The following PPP2R5C variants were observed in gnomAD, a reference collection of about 807,000 sequenced individuals.
The protein encoded by PPP2R5C is serine/threonine-protein phosphatase 2A 56 kDa regulatory subunit gamma isoform.
A neutral mutation model predicts 68.9 loss-of-function variants in PPP2R5C; 7 were observed. That is an observed-to-expected ratio of 0.10 (90% CI 0.06 to 0.19). The LOEUF (loss-of-function observed/expected upper bound fraction) is 0.19, where lower values mean the gene tolerates loss of function less well. PPP2R5C is among the 10% of genes least tolerant of loss of function. PPP2R5C has a pLI of 1.00. For synonymous variants in PPP2R5C, 210 were observed against 222.2 expected (o/e 0.95, Z 0.49); for missense variants, 348 against 641.3 (o/e 0.54, Z 4.94).
upstream of PPP2R5C, among the ~76,000 whole-genome samples, chr14:101,806,962 C>CA (rs567285656): frequency 2.0e-5 from 3 of 151,868 alleles, no homozygotes; most frequent in East Asian, 3.9e-4. Flanking sequence ...ACCCTGCCTC[C>CA]AAAAAAACAA....
upstream of PPP2R5C, among the ~76,000 whole-genome samples, chr14:101,808,722 T>C (rs565061160): frequency 1.3e-5 from 2 of 152,302 alleles, no homozygotes; most frequent in East Asian, 3.9e-4. Context: ...GCAGGGGAAT[T>C]GTGTGAGAAA....
intron 8 of PPP2R5C, among the ~76,000 whole-genome samples, chr14:101,898,252 G>T (rs2045477260): frequency 6.6e-6 from 1 of 152,080 alleles, no homozygotes; most frequent in South Asian, 2.1e-4. Flanking sequence ...AATTTTCTTT[G>T]TGCGTATTTC....
chr14:101,778,361 T>G (rs1250659925), intron 2 of PPP2R5C, among the ~76,000 whole-genome samples: 1 of 152,216 alleles, frequency 6.6e-6, no homozygotes, highest in Non-Finnish European at 1.5e-5. Flanking sequence ...TCTGTGGGTT[T>G]TTTCACTTTC....
chr14:101,817,139 A>G (rs970507353), intron 1 of PPP2R5C, among the ~76,000 whole-genome samples: 2 of 151,316 alleles, frequency 1.3e-5, no homozygotes, highest in African/African-American at 4.9e-5. Context: ...TTGTATTTTA[A>G]TAGAGATAGG....
At chr14:101,777,665 A>G (rs1177116809) in intron 2 of PPP2R5C, among the ~76,000 whole-genome samples, 2 of 152,092 alleles carry the variant, frequency 1.3e-5, no homozygotes, top group Non-Finnish European at 2.9e-5. Context: ...TGGTAATTTT[A>G]TGTTTAACTT....
intron 9 of PPP2R5C, among the ~76,000 whole-genome samples, chr14:101,902,522 C>T (rs769413311): frequency 2.0e-5 from 3 of 152,156 alleles, no homozygotes; most frequent in Non-Finnish European, 2.9e-5. Flanking sequence ...CATCATTGAG[C>T]GGATTTTATT....
At chr14:101,852,881 G>A (rs553652483) in intron 1 of PPP2R5C, among the ~76,000 whole-genome samples, 2 of 152,100 alleles carry the variant, frequency 1.3e-5, no homozygotes, top group East Asian at 1.9e-4. Context: ...ATATTGCTCC[G>A]GGGTATGATT....
intron 5 of PPP2R5C, 31 bp from the exon 8 acceptor site, chr14:101,890,206 C>A: frequency 6.3e-7 from 1 of 1,585,380 alleles, no homozygotes; most frequent in South Asian, 1.1e-5. Context: ...AGTTCAGTGT[C>A]TAATTCTAAT....
chr14:101,897,453 AT>A (rs937549411), intron 8 of PPP2R5C, among the ~76,000 whole-genome samples: 2 of 151,534 alleles, frequency 1.3e-5, no homozygotes, highest in African/African-American at 2.4e-5. Context: ...AGGTCCCACA[AT>A]AGCCCGTCTG....
rs544229508 is a variant in PPP2R5C at position 101,902,087 on chromosome 14, C to T, written c.1023+198C>T. 5.3e-5 allele frequency among the ~76,000 whole-genome samples: 8 copies of T among 152,244 alleles called. No individual in the cohort carries two copies. The South Asian group carries it at 1.2e-3, about 24-fold the overall frequency. On this transcript the variant is annotated intron_variant, in intron 9 of 13. Transcript: ENST00000334743. ...CCCTTGAGCATCTTGTCCCTTCTGC[C>T]GCGATACTTTTTCTCACTAAGAGCA...
chr14:101,884,540 T>G (rs192212502), intron 5 of PPP2R5C, among the ~76,000 whole-genome samples: 1 of 152,230 alleles, frequency 6.6e-6, no homozygotes, highest in East Asian at 1.9e-4. Context: ...TGCACCTCGG[T>G]TAAAGGTTTG....
At chr14:101,828,892 T>G (rs1188677517) in intron 1 of PPP2R5C, among the ~76,000 whole-genome samples, 1 of 152,196 alleles carries the variant, frequency 6.6e-6, no homozygotes, top group African/African-American at 2.4e-5. Context: ...CTGGCCAGGC[T>G]GTTCTCAAAT....
intron 1 of PPP2R5C, chr14:101,820,638 C>T (rs1210722546): frequency 6.6e-6 from 1 of 152,232 alleles, no homozygotes; most frequent in Non-Finnish European, 1.5e-5. Flanking sequence ...ACGTGTCTGT[C>T]TGAGCCTGGG....
chr14:101,876,940 CTTTTTTTTTT>C (rs11318528), intron 2 of PPP2R5C, among the ~76,000 whole-genome samples: 1 of 90,892 alleles, frequency 1.1e-5, no homozygotes, highest in South Asian at 3.4e-4. Flanking sequence ...AGGATTTACG[CTTTTTTTTTT>C]TTTTTTTTTT....
chr14:101,868,053 C>G (rs1024306478), intron 2 of PPP2R5C, among the ~76,000 whole-genome samples: 1 of 152,110 alleles, frequency 6.6e-6, no homozygotes, highest in Admixed American at 6.5e-5. Context: ...ATGTGGGGCA[C>G]GTTCCTTCTT....
intron 5 of PPP2R5C, among the ~76,000 whole-genome samples, chr14:101,887,880 G>A (rs1000498108): frequency 6.6e-6 from 1 of 152,158 alleles, no homozygotes; most frequent in African/African-American, 2.4e-5. Context: ...TGTCTGGGGG[G>A]TCTGATTCCC....
rs114899712 is a variant in PPP2R5C at position 101,838,521 on chromosome 14, C to T, written c.95-18165C>T. On this transcript the variant is annotated intron_variant, in intron 1 of 13. Transcript: ENST00000334743. Reference sequence around the variant, plus strand: ...TTGCTGCACATTTCTCTCATATGCTCTATATGTTGTAACGAGCAGGCGGTC... The same window carrying T: ...TTGCTGCACATTTCTCTCATATGCTTTATATGTTGTAACGAGCAGGCGGTC... 5.3e-3 allele frequency among the ~76,000 whole-genome samples: 810 copies of T among 152,334 alleles called. 6 individuals are homozygous for T. The highest frequency in any genetic ancestry group is 0.018 in the African/African-American group (762 of 41,564).
intron 11 of PPP2R5C, among the ~76,000 whole-genome samples, chr14:101,910,695 TG>T (rs1157868507): frequency 3.3e-5 from 5 of 151,650 alleles, no homozygotes; most frequent in African/African-American, 1.2e-4. Flanking sequence ...GGGCCAGGCG[TG>T]GTGGCTCATG....
At chr14:101,769,511 G>T (rs539149131) in intron 2 of PPP2R5C, among the ~76,000 whole-genome samples, 7 of 152,256 alleles carry the variant, frequency 4.6e-5, no homozygotes, top group African/African-American at 1.4e-4. Flanking sequence ...TAAAAAACTT[G>T]TTTATTAAGA....
Sources: gnomAD v4.1 joint callset for allele counts (sites outside exome capture counted in the v4.1 genomes callset) on GRCh38, gnomAD v4.1.1 for gene constraint, MANE v1.5 for transcripts, NCBI Gene and HGNC (gene_info 2026-07-23, HGNC 2026-07-21) for gene names.